The following PRDM8 variants were observed in gnomAD, a reference collection of about 807,000 sequenced individuals.
The protein encoded by PRDM8 is PR/SET domain 8.
In PRDM8, 13 loss-of-function variants were observed where a neutral mutation model predicts 46.5. The observed-to-expected ratio is 0.28, with a 90% confidence interval of 0.18 to 0.44. The LOEUF (loss-of-function observed/expected upper bound fraction) is 0.44. PRDM8 is among the 20% of genes least tolerant of loss of function. The pLI is 1.00. For synonymous variants in PRDM8, 473 were observed against 438.4 expected, an observed-to-expected ratio of 1.08 and a Z score of -0.98; for missense variants, 998 against 955.0, an observed-to-expected ratio of 1.04 and a Z score of -0.59.
At chr4:80,201,562 G>A (rs746640769) in intron 3 of PRDM8, 41 bp downstream of exon 3, 2 of 1,583,942 alleles carry the variant, frequency 1.3e-6, no homozygotes, top group African/African-American at 2.7e-5. Flanking sequence ...CTTAACTAGC[G>A]GGGGAGAGAC....
chr4:80,193,026 G>A (rs148948873), upstream of PRDM8, among the ~76,000 whole-genome samples: 413 of 152,368 alleles, frequency 2.7e-3, 3 homozygotes, highest in Admixed American at 5.0e-3. Flanking sequence ...GAGAAAGGTA[G>A]ATTATCATTG....
At chr4:80,188,300 G>C (rs1392017038) in intron 1 of PRDM8, among the ~76,000 whole-genome samples, 2 of 152,162 alleles carry the variant, frequency 1.3e-5, no homozygotes, top group Non-Finnish European at 2.9e-5. Flanking sequence ...TGCTCTTCCA[G>C]CCTCATCACA....
Position 80,202,894 on chromosome 4 carries a change from ACGGGCGCCGGGGCCGCAGGCGGCG to A in PRDM8, c.1439_1462del (p.Ala480_Gly487del). On this transcript the variant is annotated inframe_deletion, in exon 4 of 4. Transcript: ENST00000415738. Reference sequence around the variant, plus strand: ...GGGCAGCACCAGCGGTGGGGGCGGAACGGGCGCCGGGGCCGCAGGCGGCGCGGGCGGGGGCCAGGGCGCCGCGTC... The same window carrying A: ...GGGCAGCACCAGCGGTGGGGGCGGAACGGGCGGGGGCCAGGGCGCCGCGTC... The A allele has an allele frequency of 1.5e-6, 2 of 1,320,816 alleles. No homozygotes were observed. Among genetic ancestry groups the A allele is most frequent in the Non-Finnish European group, 1.9e-6 (2 of 1,046,060 alleles). The allele number at this position is 1,320,816 out of a possible 1,614,324, so 81.8% of individuals were successfully genotyped here.
upstream of PRDM8, among the ~76,000 whole-genome samples, chr4:80,194,746 A>G (rs1486662453): frequency 1.3e-5 from 2 of 152,208 alleles, no homozygotes; most frequent in Non-Finnish European, 2.9e-5. Context: ...TGAAAGCAGT[A>G]GGAAAAAAAT....
upstream of PRDM8, chr4:80,197,101 G>A: frequency 2.0e-6 from 2 of 985,442 alleles, no homozygotes; most frequent in Non-Finnish European, 2.4e-6. Context: ...CCCTTTCACG[G>A]AACGCGGACT....
intron 2 of PRDM8, 96 bp downstream of exon 2, chr4:80,200,395 C>T (rs1578259858): frequency 8.6e-7 from 1 of 1,159,668 alleles, no homozygotes. Context: ...ATAGGTTTTG[C>T]CTGTGGAAAA....
Position 80,202,658 on chromosome 4 carries a change from A to G in PRDM8, c.1196A>G (p.Gln399Arg), listed in dbSNP as rs1239954812. 2 of 1,492,872 alleles carry G rather than the reference A, an allele frequency of 1.3e-6. No individual in the cohort carries two copies. Among genetic ancestry groups the G allele is most frequent in the South Asian group, 1.3e-5 (1 of 79,036 alleles). The allele number at this position is 1,492,872 out of a possible 1,614,324, so 92.5% of individuals were successfully genotyped here. A position where few individuals can be genotyped will look rare whatever the true frequency, so the allele number is the denominator to read the frequency against. ...VKKAARAASL[Q>R]EEGTADGAGV... ...AAGGCTGCCCGCGCGGCCAGCCTGC[A>G]GGAGGAGGGGACAGCCGACGGCGCG... The change falls in exon 4 of 4, where the codon CAG (glutamine) becomes CGG (arginine). Residue 399 changes from glutamine to arginine, a missense_variant. Gln to Arg is a conservative substitution (Grantham distance 43). Transcript: ENST00000415738.
At position 80,202,903 on chromosome 4, in the gene PRDM8, G is replaced by C. The variant is rs1182938860; in HGVS notation, c.1441G>C (p.Gly481Arg). The C allele has an allele frequency of 6.8e-6, 9 of 1,331,922 alleles. No homozygotes were observed. The highest frequency in any genetic ancestry group is 8.6e-6 in the Non-Finnish European group (9 of 1,052,464). 82.5% of individuals were successfully genotyped at this position (1,331,922 alleles called of 1,614,324 possible). ...STSGGGGTGAGAAGGAGGGQG... is the reference protein window; with the variant it reads ...STSGGGGTGARAAGGAGGGQG... ...CAGCGGTGGGGGCGGAACGGGCGCC[G>C]GGGCCGCAGGCGGCGCGGGCGGGGG... The change falls in exon 4 of 4, where the codon GGG becomes CGG. Residue 481 changes from glycine to arginine, a missense_variant. By Grantham distance (125) the Gly-to-Arg change is moderately radical. Coordinates refer to ENST00000415738, the MANE Select transcript of PRDM8 (RefSeq NM_001099403.2).
intron 1 of PRDM8, among the ~76,000 whole-genome samples, chr4:80,198,414 A>G (rs1738134218): frequency 6.6e-6 from 1 of 152,236 alleles, no homozygotes; most frequent in Non-Finnish European, 1.5e-5. Context: ...GAAATTGAAA[A>G]GAGGAGAATA....
upstream of PRDM8, chr4:80,196,476 C>G (rs1737968475): frequency 1.0e-6 from 1 of 985,466 alleles, no homozygotes; most frequent in South Asian, 4.7e-5. Context: ...AGCTGCTGCA[C>G]TAAAGGGGCA....
chr4:80,196,409 C>A, upstream of PRDM8: 1 of 985,544 alleles, frequency 1.0e-6, no homozygotes, highest in Non-Finnish European at 1.2e-6. Flanking sequence ...CGTGGTGTTG[C>A]AGCCCCGTTG....
At chr4:80,185,918 GA>G (rs1388147692) in intron 1 of PRDM8, among the ~76,000 whole-genome samples, 1 of 152,198 alleles carries the variant, frequency 6.6e-6, no homozygotes, top group African/African-American at 2.4e-5. Flanking sequence ...TTAGCTTTAG[GA>G]ACAGACGGAC....
rs184208058 is a variant in PRDM8 at position 80,197,653 on chromosome 4, A to C, written c.-113A>C. ...GAGCCTAAAAGGCGGCAACACCAAC[A>C]CCTCTTGACATGGAAATACACTGAT... On this transcript the variant is annotated 5_prime_UTR_variant, in exon 1 of 4. Transcript: ENST00000415738. The C allele has an allele frequency of 1.0e-6, 1 of 981,758 alleles. No homozygotes were observed. Among genetic ancestry groups the C allele is most frequent in the East Asian group, 1.1e-4 (1 of 8,704 alleles). The allele number at this position is 981,758 out of a possible 1,614,324, so 60.8% of individuals were successfully genotyped here. A position where few individuals can be genotyped will look rare whatever the true frequency, so the allele number is the denominator to read the frequency against.
rs756119939 is a variant in PRDM8, at chr4:80,202,993, C to T, written c.1531C>T (p.Leu511=). ...GCAGCCAGCACGCTCTTTCTCGCAG[C>T]TGTCCCCGCTGGTGCTGGGCCAGAA... ...FSQPARSFSQ[L]SPLVLGQKLG... The change falls in exon 4 of 4, where the codon CTG becomes TTG. Residue 511 remains leucine, a synonymous_variant. Transcript: ENST00000415738. 6.6e-6 allele frequency: 10 copies of T among 1,512,916 alleles called. No homozygotes were observed. The South Asian group carries it at 1.2e-4, about 18-fold the overall frequency. The allele number at this position is 1,512,916 out of a possible 1,614,324, so 93.7% of individuals were successfully genotyped here. A position where few individuals can be genotyped will look rare whatever the true frequency, so the allele number is the denominator to read the frequency against.
rs377451338 is a variant in PRDM8, at chr4:80,200,252, A to G, written c.172A>G (p.Ile58Val). The stretch of plus-strand genomic sequence containing the variant: ...TTCCCTATATGACAGCATAGCTTTC[A>G]TAGCTCTCAAGTCTACTGACAAGAG... ...HTSLYDSIAFIALKSTDKRTV... is the reference protein window; with the variant it reads ...HTSLYDSIAFVALKSTDKRTV... The change falls in exon 2 of 4, where the codon ATA (isoleucine) becomes GTA (valine). Residue 58 changes from isoleucine (I) to valine (V), a missense_variant. Transcript: ENST00000415738. 9.9e-6 allele frequency: 16 copies of G among 1,614,058 alleles called. No homozygotes were observed. Among genetic ancestry groups the G allele is most frequent in the South Asian group, 2.2e-5 (2 of 91,088 alleles).
chr4:80,202,931 AG>A lies in PRDM8; in HGVS notation c.1472del (p.Gly491AlafsTer55). The part of the protein sequence containing the change: ...AGAAGGAGGG[Q>X]GAASDERKSA... The stretch of plus-strand genomic sequence containing the variant: ...GCCGCAGGCGGCGCGGGCGGGGGCC[AG>A]GGCGCCGCGTCGGACGAGCGCAAAA... On this transcript the variant is annotated frameshift_variant, in exon 4 of 4. Transcript: ENST00000415738. LOFTEE classifies it high-confidence loss of function. 6.9e-7 allele frequency: 1 copy of A among 1,442,920 alleles called. No homozygotes were observed. Among genetic ancestry groups the A allele is most frequent in the Admixed American group, 2.6e-5 (1 of 38,054 alleles). 89.4% of individuals were successfully genotyped at this position (1,442,920 alleles called of 1,614,324 possible).
upstream of PRDM8, chr4:80,197,073 A>G (rs1738013191): frequency 2.0e-6 from 2 of 985,428 alleles, no homozygotes; most frequent in Non-Finnish European, 2.4e-6. Context: ...GAATCCCTGG[A>G]GCTAACCGCA....
chr4:80,202,641 C>T lies in PRDM8; in HGVS notation c.1179C>T (p.Ala393=). 1 of 1,510,794 alleles carries T rather than the reference C, an allele frequency of 6.6e-7. No individual in the cohort carries two copies. The highest frequency in any genetic ancestry group is 8.8e-7 in the Non-Finnish European group (1 of 1,134,916). 93.6% of individuals were successfully genotyped at this position (1,510,794 alleles called of 1,614,324 possible). ...RSAFVEVKKA[A]RAASLQEEGT... ...CCTTCGTGGAGGTGAAGAAGGCTGC[C>T]CGCGCGGCCAGCCTGCAGGAGGAGG... The change falls in exon 4 of 4, where the codon GCC becomes GCT. Residue 393 remains alanine (A), a synonymous_variant. Transcript: ENST00000415738.
rs1000224741 is a variant in PRDM8 at position 80,202,654 on chromosome 4, C to T, written c.1192C>T (p.Leu398=). 3 of 1,496,704 alleles carry T rather than the reference C, an allele frequency of 2.0e-6. No homozygotes were observed. The highest frequency in any genetic ancestry group is 2.7e-6 in the Non-Finnish European group (3 of 1,128,198). The allele number at this position is 1,496,704 out of a possible 1,614,324, so 92.7% of individuals were successfully genotyped here. ...GAAGAAGGCTGCCCGCGCGGCCAGC[C>T]TGCAGGAGGAGGGGACAGCCGACGG... ...EVKKAARAAS[L]QEEGTADGAG... Residue 398 remains leucine, a synonymous_variant, in exon 4 of 4, where the codon CTG becomes TTG. Transcript: ENST00000415738.
Sources: allele counts gnomAD v4.1 joint callset (sites outside exome capture counted in the v4.1 genomes callset), GRCh38; gene constraint gnomAD v4.1.1; transcripts MANE v1.5; gene names NCBI Gene and HGNC (gene_info 2026-07-23, HGNC 2026-07-21).